Variants in UFM1 observed in about 807,000 individuals in gnomAD.
UFM1 encodes the protein ubiquitin-fold modifier 1.
Under a neutral mutation model 15.4 loss-of-function variants are expected in UFM1, and 9 were observed. The ratio of observed to expected loss-of-function variants is 0.59; its 90% CI spans 0.35 to 1.02. The LOEUF is 1.02. Ranked by LOEUF, UFM1 falls within the 50% of genes least tolerant of loss-of-function variation. UFM1 has a pLI of 0.02. For synonymous variants in UFM1, 27 were observed against 36.3 expected, an observed-to-expected ratio of 0.74 and a Z score of 0.92; for missense variants, 98 against 104.7, an observed-to-expected ratio of 0.94 and a Z score of 0.28.
intron 5 of UFM1, chr13:38,359,785 C>T (rs2481881): frequency 0.024 from 3,875 of 161,828 alleles, 197 homozygotes; most frequent in African/African-American, 0.09. Flanking sequence ...GATCTTCAAA[C>T]TGTTAAATTT....
intron 3 of UFM1, among the ~76,000 whole-genome samples, chr13:38,357,689 G>A (rs923759130): frequency 1.3e-5 from 2 of 151,668 alleles, no homozygotes; most frequent in African/African-American, 2.4e-5. Context: ...ACAGACAGGC[G>A]ATTAATATGT....
At chr13:38,352,134 C>T (rs1362146148) in intron 2 of UFM1, among the ~76,000 whole-genome samples, 5 of 135,890 alleles carry the variant, frequency 3.7e-5, no homozygotes, top group Admixed American at 3.2e-4. Context: ...AACAAAGTCT[C>T]GCTCTGTTGC....
At chr13:38,359,960 C>A in intron 5 of UFM1, 1 of 260,944 alleles carries the variant, frequency 3.8e-6, no homozygotes, top group Non-Finnish European at 7.7e-6. Context: ...TTTAATGTAA[C>A]CTCATTCTAG....
At chr13:38,350,184 C>A in intron 2 of UFM1, 129 bp downstream of exon 2, 1 of 1,613,684 alleles carries the variant, frequency 6.2e-7, no homozygotes, top group Non-Finnish European at 8.5e-7. Context: ...TTTCCTGGCT[C>A]GCGCCCTTCC....
chr13:38,362,111 C>T lies in UFM1; in HGVS notation c.*1333C>T, dbSNP rs1157633395. 1 of 152,172 alleles carries T rather than the reference C, an allele frequency of 6.6e-6. No homozygotes were observed. Among genetic ancestry groups the T allele is most frequent in the African/African-American group, 2.4e-5 (1 of 41,440 alleles). The allele number at this position is 152,172 out of a possible 1,614,324, so 9.4% of individuals were successfully genotyped here. Reference sequence around the variant, plus strand: ...TGATTCAGAATCAGTGCTTGACCTCCTGTATTCTGAATGGTGAACTCTGGA... The same window carrying T: ...TGATTCAGAATCAGTGCTTGACCTCTTGTATTCTGAATGGTGAACTCTGGA... On this transcript the variant is annotated 3_prime_UTR_variant, in exon 6 of 6. Transcript: ENST00000239878.
chr13:38,350,100 G>A, intron 2 of UFM1, 45 bp downstream of exon 2: 2 of 1,614,216 alleles, frequency 1.2e-6, no homozygotes, highest in Non-Finnish European at 1.7e-6. Flanking sequence ...CGGACAAGAC[G>A]GGGCTGGGTT....
intron 4 of UFM1, 82 bp from the exon 5 acceptor site, chr13:38,359,219 T>A: frequency 7.5e-7 from 1 of 1,338,256 alleles, no homozygotes; most frequent in Non-Finnish European, 1.1e-6. Context: ...ACAGCACTAT[T>A]TTGGCAAATC....
chr13:38,350,417 C>T (rs538769026), intron 2 of UFM1, among the ~76,000 whole-genome samples: 37 of 152,306 alleles, frequency 2.4e-4, no homozygotes, highest in Non-Finnish European at 4.4e-4. Flanking sequence ...ATTAGAAAAG[C>T]GTTTCACCGC....
At chr13:38,351,129 T>C (rs1405379503) in intron 2 of UFM1, among the ~76,000 whole-genome samples, 1 of 152,218 alleles carries the variant, frequency 6.6e-6, no homozygotes, top group Non-Finnish European at 1.5e-5. Context: ...CCTTATATAG[T>C]TAAGAGTCCA....
Position 38,349,880 on chromosome 13 carries a change from G to C in UFM1, c.-40G>C, listed in dbSNP as rs746378732. On this transcript the variant is annotated 5_prime_UTR_variant, in exon 1 of 6. Transcript: ENST00000239878. ...CACTAGAGGAAGTCGTGCTACCCCCGCGGAGTTGTCGTGTGTTCTGGATTC... is the reference window on the plus strand; with the variant it reads ...CACTAGAGGAAGTCGTGCTACCCCCCCGGAGTTGTCGTGTGTTCTGGATTC... The C allele has an allele frequency of 3.1e-6, 5 of 1,614,132 alleles. No individual in the cohort carries two copies. The highest frequency in any genetic ancestry group is 4.2e-6 in the Non-Finnish European group (5 of 1,180,026).
intron 2 of UFM1, among the ~76,000 whole-genome samples, chr13:38,352,965 A>G (rs1000002318): frequency 6.6e-6 from 1 of 152,236 alleles, no homozygotes; most frequent in Non-Finnish European, 1.5e-5. Context: ...ACTGTTGCCT[A>G]GTTTGTAAAC....
intron 2 of UFM1, among the ~76,000 whole-genome samples, chr13:38,350,425 C>T (rs774704471): frequency 3.3e-5 from 5 of 152,174 alleles, no homozygotes; most frequent in Non-Finnish European, 7.4e-5. Context: ...AGCGTTTCAC[C>T]GCTTTGGCCA....
In UFM1 at chr13:38,361,160, T is replaced by C. The variant is rs1450483107; in HGVS notation, c.*382T>C. ...TGAGATAAAAATATAAAAAGAATTA[T>C]GGACCCTGGATGGCAATTTGCTTGA... On this transcript the variant is annotated 3_prime_UTR_variant, in exon 6 of 6. Transcript: ENST00000239878. 1.9e-5 allele frequency: 3 copies of C among 157,102 alleles called. No homozygotes were observed. The highest frequency in any genetic ancestry group is 7.2e-5 in the African/African-American group (3 of 41,652). 9.7% of individuals were successfully genotyped at this position (157,102 alleles called of 1,614,324 possible). A position where few individuals can be genotyped will look rare whatever the true frequency, so the allele number is the denominator to read the frequency against.
At position 38,357,593 on chromosome 13, in the gene UFM1, G is replaced by A. The variant is rs199923810; in HGVS notation, c.118-500G>A. On this transcript the variant is annotated intron_variant, in intron 3 of 5. Coordinates refer to ENST00000239878, the MANE Select transcript of UFM1 (RefSeq NM_016617.4). Reference sequence around the variant, plus strand: ...TGGGAGTTAGGGGTTCCAACCCCCTGTGCAGTTGAAAATCTGCATAAAACT... The same window carrying A: ...TGGGAGTTAGGGGTTCCAACCCCCTATGCAGTTGAAAATCTGCATAAAACT... 6.6e-5 allele frequency among the ~76,000 whole-genome samples: 10 copies of A among 151,400 alleles called. No homozygotes were observed. The East Asian group carries it at 1.9e-3, about 29-fold the overall frequency.
Position 38,351,340 on chromosome 13 carries a change from T to C in UFM1, c.59+1285T>C, listed in dbSNP as rs183240410. ...CATGACTACAATTAATAGTACCTAG[T>C]ACTTAATACATTCTTCAAGTTTGCT... On this transcript the variant is annotated intron_variant, in intron 2 of 5. Coordinates refer to ENST00000239878, the MANE Select transcript of UFM1 (RefSeq NM_016617.4). Among the ~76,000 whole-genome samples, 144 of 152,346 alleles carry C rather than the reference T, an allele frequency of 9.5e-4. 2 individuals are homozygous for C. The highest frequency in any genetic ancestry group is 1.5e-3 in the East Asian group (8 of 5,182).
At chr13:38,351,120 C>A (rs954498256) in intron 2 of UFM1, among the ~76,000 whole-genome samples, 9 of 152,130 alleles carry the variant, frequency 5.9e-5, no homozygotes, top group African/African-American at 1.9e-4. Flanking sequence ...TACCTTACTC[C>A]TTATATAGTT....
At chr13:38,356,622 A>C (rs1879107094) in intron 3 of UFM1, among the ~76,000 whole-genome samples, 1 of 151,136 alleles carries the variant, frequency 6.6e-6, no homozygotes, top group Non-Finnish European at 1.5e-5. Flanking sequence ...AGTTTTTCTC[A>C]ACTATGTATA....
At chr13:38,350,142 C>T (rs765549058) in intron 2 of UFM1, 87 bp downstream of exon 2, 10 of 1,613,896 alleles carry the variant, frequency 6.2e-6, no homozygotes, top group Admixed American at 5.0e-5. Flanking sequence ...AACAACTACC[C>T]CACGCAGTCT....
intron 5 of UFM1, 151 bp downstream of exon 5, chr13:38,359,484 G>C (rs1270230226): frequency 6.9e-6 from 5 of 728,956 alleles, no homozygotes; most frequent in Non-Finnish European, 1.1e-5. Context: ...CTGTGTGTCT[G>C]AGTAATAAGT....
Sources: gnomAD v4.1 joint callset for allele counts (sites outside exome capture counted in the v4.1 genomes callset) on GRCh38, gnomAD v4.1.1 for gene constraint, MANE v1.5 for transcripts, NCBI Gene and HGNC (gene_info 2026-07-23, HGNC 2026-07-21) for gene names.